LRRTM4: variants seen among roughly 807,000 people sequenced by gnomAD.
The protein encoded by LRRTM4 is leucine rich repeat transmembrane neuronal 4.
A neutral mutation model predicts 47.6 loss-of-function variants in LRRTM4; 25 were observed. The observed-to-expected ratio is 0.53, with a 90% CI of 0.38 to 0.73. The LOEUF (loss-of-function observed/expected upper bound fraction) is 0.73, where lower values mean the gene tolerates loss of function less well. LRRTM4 is among the 30% of genes least tolerant of loss of function. The pLI is 0.00. For missense variants in LRRTM4, 638 were observed against 713.4 expected, an observed-to-expected ratio of 0.89 and a Z score of 1.20; for synonymous variants, 311 against 269.5, an observed-to-expected ratio of 1.15 and a Z score of -1.51.
chr2:76,957,286 G>T (rs2103902308), intron 3 of LRRTM4, among the ~76,000 whole-genome samples: 1 of 151,712 alleles, frequency 6.6e-6, no homozygotes, highest in South Asian at 2.1e-4. Context: ...ATTGTTCAAT[G>T]GGTAGAGTTT....
intron 3 of LRRTM4, among the ~76,000 whole-genome samples, chr2:76,784,861 CATGT>C (rs1436366781): frequency 6.6e-6 from 1 of 152,070 alleles, no homozygotes; most frequent in Non-Finnish European, 1.5e-5. Flanking sequence ...TTCAGCCCAG[CATGT>C]AGTGAATGCT....
intron 3 of LRRTM4, among the ~76,000 whole-genome samples, chr2:76,934,329 T>G (rs1674869778): frequency 6.6e-6 from 1 of 152,164 alleles, no homozygotes; most frequent in Admixed American, 6.6e-5. Context: ...GTAACTGTGT[T>G]AAAGGATGTT....
In LRRTM4 at chr2:77,033,826, T is replaced by C. The variant is rs147005380; in HGVS notation, c.1552-284910A>G. Among the ~76,000 whole-genome samples the C allele has an allele frequency of 9.3e-3, 1,418 of 151,876 alleles. 10 individuals are homozygous for C. The highest frequency in any genetic ancestry group is 0.013 in the Non-Finnish European group (881 of 67,812). ...TTATTAAATGAACTAATAAAAATAA[T>C]TAACTTATAAAGGAGGAGATGGATT... On this transcript the variant is annotated intron_variant, in intron 3 of 3. Coordinates refer to ENST00000409884, the MANE Select transcript of LRRTM4 (RefSeq NM_001134745.3).
At chr2:77,087,094 A>G (rs1680742873) in intron 3 of LRRTM4, among the ~76,000 whole-genome samples, 1 of 152,214 alleles carries the variant, frequency 6.6e-6, no homozygotes. Flanking sequence ...ACCAGTGTAT[A>G]GCTGCTGATC....
chr2:76,893,966 G>C (rs1253989596), intron 3 of LRRTM4, among the ~76,000 whole-genome samples: 3 of 151,840 alleles, frequency 2.0e-5, no homozygotes, highest in Admixed American at 6.6e-5. Context: ...TATATCACAT[G>C]AGGATAAGTT....
At chr2:76,904,945 G>C (rs55666876) in intron 3 of LRRTM4, among the ~76,000 whole-genome samples, 1,697 of 152,180 alleles carry the variant, frequency 0.011, 35 homozygotes, top group African/African-American at 0.039. Context: ...TGTGAGCGAC[G>C]CAGAAGATGG....
chr2:77,130,007 AT>A (rs1671754145), intron 3 of LRRTM4, among the ~76,000 whole-genome samples: 1 of 152,314 alleles, frequency 6.6e-6, no homozygotes, highest in Admixed American at 6.5e-5. Context: ...TCTGAAAATA[AT>A]TATTAATGCA....
At chr2:77,074,062 A>T (rs1281250422) in intron 3 of LRRTM4, among the ~76,000 whole-genome samples, 1 of 152,204 alleles carries the variant, frequency 6.6e-6, no homozygotes, top group Non-Finnish European at 1.5e-5. Context: ...CTCTTCTTAT[A>T]AATTTTCAAT....
At chr2:77,345,459 C>CA (rs1236437565) in intron 3 of LRRTM4, among the ~76,000 whole-genome samples, 2 of 151,780 alleles carry the variant, frequency 1.3e-5, no homozygotes, top group Non-Finnish European at 2.9e-5. Context: ...CAGTAAGAAA[C>CA]AAACAGTCCA....
intron 3 of LRRTM4, among the ~76,000 whole-genome samples, chr2:76,909,594 A>T (rs1423628768): frequency 1.3e-5 from 2 of 152,086 alleles, no homozygotes; most frequent in Non-Finnish European, 2.9e-5. Context: ...CAACCTACTC[A>T]TTTGACAAAG....
At chr2:76,896,619 C>T (rs1929454) in intron 3 of LRRTM4, among the ~76,000 whole-genome samples, 22,052 of 151,612 alleles carry the variant, frequency 0.15, 2,020 homozygotes, top group Admixed American at 0.22. Flanking sequence ...AGAGTTTTTT[C>T]AGAAGAAATT....
chr2:76,801,043 G>A (rs982313339), intron 3 of LRRTM4, among the ~76,000 whole-genome samples: 2 of 148,514 alleles, frequency 1.3e-5, no homozygotes, highest in Non-Finnish European at 3.0e-5. Flanking sequence ...GGAGAAATAG[G>A]AACACTTTTA....
chr2:76,854,862 T>C (rs1017573271), intron 3 of LRRTM4, among the ~76,000 whole-genome samples: 3 of 147,930 alleles, frequency 2.0e-5, no homozygotes, highest in Admixed American at 6.8e-5. Context: ...AGAAAGACCA[T>C]CAACAATCAA....
intron 3 of LRRTM4, among the ~76,000 whole-genome samples, chr2:77,460,204 C>T (rs1384914343): frequency 6.6e-6 from 1 of 152,038 alleles, no homozygotes; most frequent in African/African-American, 2.4e-5. Context: ...CCTGAATATC[C>T]CCCATGTATT....
intron 3 of LRRTM4, among the ~76,000 whole-genome samples, chr2:77,411,280 T>C (rs1233923640): frequency 1.3e-5 from 2 of 152,014 alleles, no homozygotes; most frequent in Non-Finnish European, 2.9e-5. Context: ...CAATAAATAG[T>C]CTCAGCAAAA....
Position 77,438,663 on chromosome 2 carries a change from C to T in LRRTM4, c.1551+79655G>A, listed in dbSNP as rs925070416. On this transcript the variant is annotated intron_variant, in intron 3 of 3. Transcript: ENST00000409884. ...CCTCGTGATCTGCCTGCCTCGGCCT[C>T]CCAAAGGGCTGGGATTACAGGCGTG... Among the ~76,000 whole-genome samples the T allele has an allele frequency of 2.0e-5, 3 of 152,064 alleles. No homozygotes were observed. The South Asian group carries it at 6.2e-4, about 32-fold the overall frequency.
intron 3 of LRRTM4, among the ~76,000 whole-genome samples, chr2:77,456,294 C>G (rs1676537840): frequency 6.6e-6 from 1 of 152,272 alleles, no homozygotes; most frequent in East Asian, 1.9e-4. Flanking sequence ...ATATATTCAG[C>G]TAGTGATCTT....
chr2:77,400,441 A>C (rs895441167), intron 3 of LRRTM4, among the ~76,000 whole-genome samples: 1 of 151,732 alleles, frequency 6.6e-6, no homozygotes, highest in Admixed American at 6.6e-5. Flanking sequence ...AGCTCAAAAA[A>C]CCTTCTACCA....
chr2:77,462,490 C>T (rs1676825693), intron 3 of LRRTM4, among the ~76,000 whole-genome samples: 1 of 152,008 alleles, frequency 6.6e-6, no homozygotes, highest in South Asian at 2.1e-4. Context: ...GACACAGCCC[C>T]TAATCTCACT....
Sources: allele counts gnomAD v4.1 joint callset (sites outside exome capture counted in the v4.1 genomes callset), GRCh38; gene constraint gnomAD v4.1.1; transcripts MANE v1.5; gene names NCBI Gene and HGNC (gene_info 2026-07-23, HGNC 2026-07-21).